Variants in KDM6A observed in about 807,000 individuals in gnomAD.
KDM6A encodes the protein lysine demethylase 6A, also known as lysine-specific demethylase 6A.
Under a neutral mutation model 117.6 loss-of-function variants are expected in KDM6A, and 11 were observed. The observed-to-expected ratio is 0.09, with a 90% CI of 0.06 to 0.15. KDM6A has a LOEUF of 0.15. KDM6A is among the 10% of genes least tolerant of loss of function. The pLI, the probability that KDM6A is intolerant of heterozygous loss-of-function variation, is 1.00. For missense variants in KDM6A, 799 were observed against 1,077.3 expected (o/e 0.74, Z 3.62); for synonymous variants, 384 against 396.1 (o/e 0.97, Z 0.36).
chrX:44,988,792 G>T (rs1307865170), intron 4 of KDM6A, among the ~76,000 whole-genome samples: 1 of 110,531 alleles, frequency 9.0e-6, no homozygotes, highest in East Asian at 2.9e-4. Flanking sequence ...AGGAGTACCC[G>T]GTCATGTGAG....
In KDM6A at chrX:45,037,686, C is replaced by T. The variant is rs1602666524; in HGVS notation, c.651C>T (p.Thr217=). 8.4e-7 allele frequency: 1 copy of T among 1,193,593 alleles called. No individual in the cohort carries two copies. Reference sequence around the variant, plus strand: ...TTCACATTGCCCACTTATATGAAACCCAGGTAAGTATTTTAACTTATTCTA... The same window carrying T: ...TTCACATTGCCCACTTATATGAAACTCAGGTAAGTATTTTAACTTATTCTA... ...IQFHIAHLYE[T]QRKYHSAKEA... Residue 217 remains threonine (T), a synonymous_variant, in exon 8 of 30, where the codon ACC becomes ACT. Coordinates refer to ENST00000611820, the MANE Select transcript of KDM6A (RefSeq NM_001291415.2).
intron 25 of KDM6A, chrX:45,086,286 A>C (rs185979174): frequency 4.2e-6 from 1 of 240,184 alleles, no homozygotes; most frequent in Non-Finnish European, 7.5e-6. Flanking sequence ...TGTGTATTCC[A>C]AGAAAAATTG....
chrX:44,998,856 A>G (rs1174014161), intron 4 of KDM6A, among the ~76,000 whole-genome samples: 1 of 112,077 alleles, frequency 8.9e-6, no homozygotes, highest in Non-Finnish European at 1.9e-5. Context: ...TTCCAACCCC[A>G]AATTGGCAAC....
At chrX:44,988,859 G>A (rs987491417) in intron 4 of KDM6A, among the ~76,000 whole-genome samples, 2 of 110,882 alleles carry the variant, frequency 1.8e-5, no homozygotes, top group Admixed American at 9.6e-5. Flanking sequence ...GGGGGTCAGG[G>A]ACCCACTTGA....
Position 44,873,344 on chromosome X carries a change from G to C in KDM6A, c.-208G>C. 3 of 485,390 alleles carry C rather than the reference G, an allele frequency of 6.2e-6. No individual in the cohort carries two copies. The highest frequency in any genetic ancestry group is 9.9e-6 in the Non-Finnish European group (3 of 303,374). 40.0% of individuals were successfully genotyped at this position (485,390 alleles called of 1,213,427 possible). A position where few individuals can be genotyped will look rare whatever the true frequency, so the allele number is the denominator to read the frequency against. ...GACCCTACAGCCGAAAGCCGCCGCT[G>C]CCGACCCGGGGGCTCCGCAGCCCCT... On this transcript the variant is annotated 5_prime_UTR_variant, in exon 1 of 30. Transcript: ENST00000611820.
intron 2 of KDM6A, among the ~76,000 whole-genome samples, chrX:44,898,978 G>A (rs982132771): frequency 1.0e-5 from 1 of 99,490 alleles, no homozygotes; most frequent in African/African-American, 4.0e-5. Context: ...TGGCTCCACT[G>A]AAACTGCGGA....
At chrX:45,032,654 T>C (rs1275436465) in intron 6 of KDM6A, among the ~76,000 whole-genome samples, 1 of 111,939 alleles carries the variant, frequency 8.9e-6, no homozygotes, top group Non-Finnish European at 1.9e-5. Context: ...TTTCATGATG[T>C]TGGCCAGGCT....
chrX:45,107,566 T>C, intron 28 of KDM6A, 30 bp downstream of exon 28: 2 of 1,199,305 alleles, frequency 1.7e-6, no homozygotes, highest in Non-Finnish European at 2.3e-6. Context: ...CACAGTTGTT[T>C]TATAAAGCCT....
At chrX:45,037,480 GTGTT>G (rs2042867356) in intron 7 of KDM6A, among the ~76,000 whole-genome samples, 171 bp from the exon 8 acceptor site, 1 of 111,998 alleles carries the variant, frequency 8.9e-6, no homozygotes, top group Admixed American at 9.4e-5. Flanking sequence ...GTTCTTTAGT[GTGTT>G]TGTTTGTATA....
At chrX:45,086,966 C>T (rs183003909) in intron 25 of KDM6A, among the ~76,000 whole-genome samples, 1 of 112,508 alleles carries the variant, frequency 8.9e-6, no homozygotes, top group East Asian at 2.8e-4. Flanking sequence ...ACTAATTATA[C>T]ACATATTCCA....
intron 27 of KDM6A, among the ~76,000 whole-genome samples, chrX:45,101,526 A>T (rs2046340001): frequency 9.0e-6 from 1 of 110,559 alleles, no homozygotes; most frequent in Admixed American, 9.7e-5. Context: ...CTTGAGTGGG[A>T]GAGATGCTAC....
intron 4 of KDM6A, among the ~76,000 whole-genome samples, chrX:44,987,908 G>A (rs2040330472): frequency 9.0e-6 from 1 of 110,795 alleles, no homozygotes; most frequent in Non-Finnish European, 1.9e-5. Flanking sequence ...TTCTCGAGGA[G>A]TATCTTTGTG....
chrX:44,934,475 T>G lies in KDM6A; in HGVS notation c.226-26809T>G, dbSNP rs145511444. Among the ~76,000 whole-genome samples, 121 of 112,396 alleles carry G rather than the reference T, an allele frequency of 1.1e-3. No homozygotes were observed. In the East Asian group the frequency reaches 0.013, roughly 12 times the overall value. ...TTCCTCCTCCAGTTTTAGGATTGTATCTATACCTGGTATTCTGAAAAATCA... is the reference window on the plus strand; with the variant it reads ...TTCCTCCTCCAGTTTTAGGATTGTAGCTATACCTGGTATTCTGAAAAATCA... On this transcript the variant is annotated intron_variant, in intron 2 of 29. Coordinates refer to ENST00000611820, the MANE Select transcript of KDM6A (RefSeq NM_001291415.2).
chrX:45,069,341 A>G (rs1282855443), intron 17 of KDM6A, among the ~76,000 whole-genome samples: 1 of 111,826 alleles, frequency 8.9e-6, no homozygotes, highest in Admixed American at 9.5e-5. Flanking sequence ...CATCTGAAGT[A>G]GTTTATTCTA....
intron 3 of KDM6A, among the ~76,000 whole-genome samples, chrX:44,974,463 T>A (rs937950622): frequency 1.8e-5 from 2 of 111,000 alleles, no homozygotes; most frequent in African/African-American, 3.3e-5. Context: ...TTAGCCTAGA[T>A]GCTGTTCAAG....
At chrX:45,018,131 A>G (rs1221438733) in intron 5 of KDM6A, among the ~76,000 whole-genome samples, 3 of 111,365 alleles carry the variant, frequency 2.7e-5, no homozygotes, top group Non-Finnish European at 5.7e-5. Flanking sequence ...TATTTATAGT[A>G]TCATAATTGT....
intron 3 of KDM6A, among the ~76,000 whole-genome samples, chrX:44,963,499 C>CTGTCTGTCTGTCTCTGTCTG (rs796328734): frequency 1.2e-5 from 1 of 81,137 alleles, no homozygotes; most frequent in Non-Finnish European, 2.2e-5. Context: ...GTCTGTCTGT[C>CTGTCTGTCTGTCTCTGTCTG]TCTGTCTGTC....
intron 2 of KDM6A, among the ~76,000 whole-genome samples, chrX:44,876,614 T>G (rs2031568539): frequency 1.0e-5 from 1 of 99,246 alleles, no homozygotes; most frequent in African/African-American, 3.7e-5. Context: ...TGTCCTGCCA[T>G]GCCCCCCCAC....
At chrX:45,081,418 T>C (rs1263000450) in intron 21 of KDM6A, among the ~76,000 whole-genome samples, 1 of 112,276 alleles carries the variant, frequency 8.9e-6, no homozygotes, top group Non-Finnish European at 1.9e-5. Flanking sequence ...AAAAGTAATA[T>C]TTGCATTGAA....
Sources: gnomAD v4.1 joint callset for allele counts (sites outside exome capture counted in the v4.1 genomes callset) on GRCh38, gnomAD v4.1.1 for gene constraint, MANE v1.5 for transcripts, NCBI Gene and HGNC (gene_info 2026-07-23, HGNC 2026-07-21) for gene names.